SLC12A4: variants seen among roughly 807,000 people sequenced by gnomAD.
SLC12A4 encodes electroneutral potassium-chloride cotransporter 1.
SLC12A4 carries 84 observed loss-of-function variants against 119.2 expected under a neutral mutation model. The ratio of observed to expected loss-of-function variants is 0.70; its 90% CI spans 0.59 to 0.85. SLC12A4 has a LOEUF of 0.85. Ranked by LOEUF, SLC12A4 falls within the 40% of genes least tolerant of loss-of-function variation. The probability of loss-of-function intolerance (pLI) is 0.00; values close to 1 mark genes in which losing one functional copy is unlikely to be tolerated. For missense variants in SLC12A4, 1,298 were observed against 1,476.3 expected (o/e 0.88, Z 1.98); for synonymous variants, 599 against 604.6 (o/e 0.99, Z 0.14).
chr16:67,952,157 G>A (rs1213609286), intron 7 of SLC12A4, 27 bp downstream of exon 7: 2 of 1,613,208 alleles, frequency 1.2e-6, no homozygotes, highest in Admixed American at 1.7e-5. Flanking sequence ...TCCATGCAAT[G>A]CCCAGATAAA....
rs2058399426 is a variant in SLC12A4 at position 67,950,309 on chromosome 16, A to G, written c.1629+10T>C. The stretch of plus-strand genomic sequence containing the variant: ...GCAGCCAGGCCATGGGGGAGTGCAG[A>G]GGGGCTCACCCGGAGGAAGGGGATG... On this transcript the variant is annotated intron_variant, in intron 12 of 23. Coordinates refer to ENST00000316341, the MANE Select transcript of SLC12A4 (RefSeq NM_005072.5). The surrounding 1 kb of genome is among the most constrained non-coding windows in gnomAD (Gnocchi z 4.3). The G allele has an allele frequency of 6.2e-7, 1 of 1,612,984 alleles. No homozygotes were observed. Among genetic ancestry groups the G allele is most frequent in the African/African-American group, 1.3e-5 (1 of 75,038 alleles).
intron 21 of SLC12A4, 59 bp downstream of exon 21, chr16:67,945,705 C>T (rs2058336159): frequency 1.8e-5 from 27 of 1,539,344 alleles, no homozygotes; most frequent in South Asian, 1.5e-4. Context: ...CCCACCGATG[C>T]GGTCTCCAAA....
rs761412169 is a variant in SLC12A4, at chr16:67,950,644, GCTCA to G, written c.1454+6_1454+9del. 6.2e-7 allele frequency: 1 copy of G among 1,611,704 alleles called. No homozygotes were observed. Among genetic ancestry groups the G allele is most frequent in the Non-Finnish European group, 8.5e-7 (1 of 1,179,044 alleles). On this transcript the variant is annotated splice_donor_region_variant and intron_variant, in intron 11 of 23. Coordinates refer to ENST00000316341, the MANE Select transcript of SLC12A4 (RefSeq NM_005072.5). The surrounding 1 kb of genome is among the most constrained non-coding windows in gnomAD (Gnocchi z 4.3). ...AGCCGCTGCTAAAGAGGGGGGCCCA[GCTCA>G]CTCACTTGTCCCGGAGAACCACACC...
chr16:67,957,513 C>T (rs2030332921), intron 5 of SLC12A4: 11 of 562,820 alleles, frequency 2.0e-5, no homozygotes, highest in Admixed American at 3.2e-5. Flanking sequence ...ATACATTGCC[C>T]TTTTTTTTTC....
At chr16:67,945,061 C>T in intron 23 of SLC12A4, 26 bp downstream of exon 23, 1 of 1,576,554 alleles carries the variant, frequency 6.3e-7, no homozygotes, top group Non-Finnish European at 8.6e-7. Context: ...CACCTCCCAA[C>T]TGCCTGCCTC....
At position 67,945,390 on chromosome 16, in the gene SLC12A4, C is replaced by G. The variant is rs768693498; in HGVS notation, c.3011G>C (p.Arg1004Pro). The G allele has an allele frequency of 4.3e-6, 7 of 1,613,688 alleles. No individual in the cohort carries two copies. The highest frequency in any genetic ancestry group is 5.9e-6 in the Non-Finnish European group (7 of 1,179,876). The change falls in exon 22 of 24, where the codon CGG becomes CCG. Residue 1004 changes from arginine (R) to proline (P), a missense_variant. Coordinates refer to ENST00000316341, the MANE Select transcript of SLC12A4 (RefSeq NM_005072.5). The part of the protein sequence containing the change: ...WDPSHAPDNF[R>P]ELVHIKPDQS... ...TCACGGCTTAATGTGCACCAGCTCCCGGAAATTGTCAGGGGCATGGCTGGG... is the reference window on the plus strand; with the variant it reads ...TCACGGCTTAATGTGCACCAGCTCCGGGAAATTGTCAGGGGCATGGCTGGG...
At position 67,943,674 on chromosome 16, in the gene SLC12A4, G is replaced by C. The variant is rs1184820941; in HGVS notation, c.*1166C>G. ...CCCAGAGTCTGGTGTGGCTGTGACTGACCACAGCTTGTGATGCCCCAGCCA... is the reference window on the plus strand; with the variant it reads ...CCCAGAGTCTGGTGTGGCTGTGACTCACCACAGCTTGTGATGCCCCAGCCA... On this transcript the variant is annotated 3_prime_UTR_variant, in exon 24 of 24. Transcript: ENST00000316341. This position sits in a 1 kb window ranked among gnomAD's most constrained non-coding sequence, Gnocchi z 4.6. 1 of 536,972 alleles carries C rather than the reference G, an allele frequency of 1.9e-6. No homozygotes were observed. The highest frequency in any genetic ancestry group is 3.3e-6 in the Non-Finnish European group (1 of 300,092). The allele number at this position is 536,972 out of a possible 1,614,324, so 33.3% of individuals were successfully genotyped here.
Position 67,946,236 on chromosome 16 carries a change from C to T in SLC12A4, c.2542G>A (p.Val848Met), listed in dbSNP as rs748684040. Residue 848 changes from valine to methionine, a missense_variant, in exon 19 of 24, where the codon GTG (valine) becomes ATG (methionine). Val to Met is a conservative substitution (Grantham distance 21). Coordinates refer to ENST00000316341, the MANE Select transcript of SLC12A4 (RefSeq NM_005072.5). The part of the protein sequence containing the change: ...HERYLEGHID[V>M]WWIVHDGGML... ...CCACCATCGTGCACGATCCACCACACGTCTATGTGGCCCTCCAGGTAGCGC... is the reference window on the plus strand; with the variant it reads ...CCACCATCGTGCACGATCCACCACATGTCTATGTGGCCCTCCAGGTAGCGC... The T allele has an allele frequency of 9.9e-6, 16 of 1,613,788 alleles. No homozygotes were observed. Among genetic ancestry groups the T allele is most frequent in the Admixed American group, 3.3e-5 (2 of 60,006 alleles).
At position 67,944,480 on chromosome 16, in the gene SLC12A4, T is replaced by C; in HGVS notation, c.*360A>G. On this transcript the variant is annotated 3_prime_UTR_variant, in exon 24 of 24. Transcript: ENST00000316341. The surrounding 1 kb of genome is among the most constrained non-coding windows in gnomAD (Gnocchi z 6.6). ...GACTCCCTCCCTGGCTACCCTTCCC[T>C]TCGTCTCTGATGGTGACATCCAAAC... 1 of 1,246,224 alleles carries C rather than the reference T, an allele frequency of 8.0e-7. No individual in the cohort carries two copies. Among genetic ancestry groups the C allele is most frequent in the Non-Finnish European group, 1.0e-6 (1 of 991,960 alleles). The allele number at this position is 1,246,224 out of a possible 1,614,324, so 77.2% of individuals were successfully genotyped here. A position where few individuals can be genotyped will look rare whatever the true frequency, so the allele number is the denominator to read the frequency against.
chr16:67,958,124 G>GC, intron 3 of SLC12A4, 80 bp from the exon 4 acceptor site: 2 of 1,504,782 alleles, frequency 1.3e-6, no homozygotes, highest in East Asian at 2.3e-5. Context: ...CACTCAGCAG[G>GC]CCCCCTCCCC....
chr16:67,963,246 C>T (rs562629261), intron 2 of SLC12A4: 2 of 333,330 alleles, frequency 6.0e-6, no homozygotes, highest in African/African-American at 2.2e-5. Context: ...AGGTGAACCA[C>T]CCTGGAGGTA....
At position 67,951,847 on chromosome 16, in the gene SLC12A4, C is replaced by G. The variant is rs555617206; in HGVS notation, c.1108G>C (p.Gly370Arg). The G allele has an allele frequency of 3.1e-6, 5 of 1,613,250 alleles. No homozygotes were observed. The highest frequency in any genetic ancestry group is 4.2e-6 in the Non-Finnish European group (5 of 1,179,828). ...NNVTEIPGIPGAAAGVLQENL... is the reference protein window; with the variant it reads ...NNVTEIPGIPRAAAGVLQENL... ...CCCTGGAGCACACCAGCAGCTGCCCCGGGGATGCCAGGGATCTCGGTCACA... is the reference window on the plus strand; with the variant it reads ...CCCTGGAGCACACCAGCAGCTGCCCGGGGGATGCCAGGGATCTCGGTCACA... Residue 370 changes from glycine to arginine, a missense_variant, in exon 8 of 24, where the codon GGG becomes CGG. Gly to Arg is a moderately radical substitution (Grantham distance 125). Coordinates refer to ENST00000316341, the MANE Select transcript of SLC12A4 (RefSeq NM_005072.5). The surrounding 1 kb of genome is among the most constrained non-coding windows in gnomAD (Gnocchi z 5.2).
chr16:67,954,137 A>G (rs776136239), intron 6 of SLC12A4: 3 of 407,728 alleles, frequency 7.4e-6, no homozygotes, highest in Middle Eastern at 3.5e-4. Flanking sequence ...TTCACTGGGG[A>G]ATGAGAAGCT....
Position 67,957,795 on chromosome 16 carries a change from G to A in SLC12A4, c.491C>T (p.Thr164Ile), listed in dbSNP as rs1402722681. 2.5e-6 allele frequency: 4 copies of A among 1,614,034 alleles called. No homozygotes were observed. In the East Asian group the frequency reaches 8.9e-5, roughly 36 times the overall value. The change falls in exon 5 of 24, where the codon ACC becomes ATC. Residue 164 changes from threonine to isoleucine, a missense_variant and splice_region_variant. Coordinates refer to ENST00000316341, the MANE Select transcript of SLC12A4 (RefSeq NM_005072.5). Reference protein sequence around the residue: ...LLIVLICCCCTLLTAISMSAI... With the variant: ...LLIVLICCCCILLTAISMSAI... ...ACTCATGGAGATGGCCGTCAGCAGG[G>A]TCTGTGGGAAGGAGGGCCTGGGTGA...
Position 67,945,115 on chromosome 16 carries a change from TG to T in SLC12A4, c.3137del (p.Pro1046HisfsTer18). On this transcript the variant is annotated frameshift_variant, in exon 23 of 24. Coordinates refer to ENST00000316341, the MANE Select transcript of SLC12A4 (RefSeq NM_005072.5). LOFTEE classifies it high-confidence loss of function. Reference sequence around the variant, plus strand: ...TCTCGTCGCCCTCACTGTTCCTGGGTGGGCCAGGCATGTTTAGGAGAACCAG... The same window carrying T: ...TCTCGTCGCCCTCACTGTTCCTGGGTGGCCAGGCATGTTTAGGAGAACCAG... Reference protein sequence around the residue: ...ARLVLLNMPGPPRNSEGDENY... With the variant: ...ARLVLLNMPGXPRNSEGDENY... The T allele has an allele frequency of 6.3e-7, 1 of 1,592,872 alleles. No homozygotes were observed. Among genetic ancestry groups the T allele is most frequent in the Non-Finnish European group, 8.6e-7 (1 of 1,168,170 alleles).
Position 67,946,442 on chromosome 16 carries a change from G to T in SLC12A4, c.2433C>A (p.Phe811Leu). ...QSEDPRAWKT[F>L]IDTVRCTTAA... ...AGGCCCCAGGCCTTCACACACCAAT[G>T]AAGGTCTTCCAGGCACGGGGGTCCT... The change falls in exon 18 of 24, where the codon TTC becomes TTA. Residue 811 changes from phenylalanine to leucine, a missense_variant. Transcript: ENST00000316341. The T allele has an allele frequency of 1.9e-6, 3 of 1,605,296 alleles. No individual in the cohort carries two copies. Among genetic ancestry groups the T allele is most frequent in the Non-Finnish European group, 2.5e-6 (3 of 1,179,832 alleles).
Position 67,946,948 on chromosome 16 carries a change from C to T in SLC12A4, c.2230G>A (p.Ala744Thr), listed in dbSNP as rs1227411596. Residue 744 changes from alanine (A) to threonine (T), a missense_variant, in exon 17 of 24, where the codon GCC becomes ACC. Transcript: ENST00000316341. The stretch of plus-strand genomic sequence containing the variant: ...CCCAAAGCAAGTACCTGCTCGGCGG[C>T]CTGAGCCTCGCCATAGCTCTCCAAG... ...SFLESYGEAQAAEQTIKNMME... is the reference protein window; with the variant it reads ...SFLESYGEAQTAEQTIKNMME... The T allele has an allele frequency of 6.2e-7, 1 of 1,612,962 alleles. No individual in the cohort carries two copies. The highest frequency in any genetic ancestry group is 1.1e-5 in the South Asian group (1 of 91,086).
At chr16:67,957,718 A>C in intron 5 of SLC12A4, 24 bp downstream of exon 5, 1 of 1,612,384 alleles carries the variant, frequency 6.2e-7, no homozygotes, top group Middle Eastern at 2.1e-4. Context: ...CTCTTCCACC[A>C]GGCCTTGGGT....
chr16:67,952,013 G>T lies in SLC12A4; in HGVS notation c.942C>A (p.Thr314=). 1 of 1,614,010 alleles carries T rather than the reference G, an allele frequency of 6.2e-7. No homozygotes were observed. The highest frequency in any genetic ancestry group is 8.5e-7 in the Non-Finnish European group (1 of 1,180,006). The change falls in exon 8 of 24, where the codon ACC becomes ACA. Residue 314 remains threonine (T), a synonymous_variant. Transcript: ENST00000316341. Reference sequence around the variant, plus strand: ...AGATGTCAAACTGGTCCCGGGACAGGGTCCTGTTGCCCAGCATGCATACCC... The same window carrying T: ...AGATGTCAAACTGGTCCCGGGACAGTGTCCTGTTGCCCAGCATGCATACCC... ...VFPVCMLGNR[T]LSRDQFDICA...
Sources: gnomAD v4.1 joint callset for allele counts on GRCh38, gnomAD v4.1.1 for gene constraint, Gnocchi (gnomAD v3.1) non-coding constraint, MANE v1.5 for transcripts, NCBI Gene and HGNC (gene_info 2026-07-23, HGNC 2026-07-21) for gene names.